GPC5: variants seen among roughly 807,000 people sequenced by gnomAD.
GPC5 encodes the protein glypican 5, also known as glypican-5.
GPC5 carries 47 observed loss-of-function variants against 53.9 expected under a neutral mutation model. The ratio of observed to expected loss-of-function variants is 0.87; its 90% CI spans 0.69 to 1.11. The LOEUF is 1.11. Among genes scored for constraint, GPC5 ranks in the 50% most tolerant of loss-of-function variants. The probability of loss-of-function intolerance (pLI) is 0.00; values close to 1 mark genes in which losing one functional copy is unlikely to be tolerated. For missense variants in GPC5, 748 were observed against 713.1 expected (o/e 1.05, Z -0.56); for synonymous variants, 286 against 263.3 (o/e 1.09, Z -0.84).
At chr13:92,558,956 C>T (rs932198185) in intron 7 of GPC5, among the ~76,000 whole-genome samples, 6 of 151,898 alleles carry the variant, frequency 4.0e-5, no homozygotes, top group African/African-American at 1.4e-4. Flanking sequence ...GTTTTTCAGG[C>T]ATGAGCAACA....
At chr13:92,025,780 A>G (rs2040796267) in intron 6 of GPC5, among the ~76,000 whole-genome samples, 1 of 152,194 alleles carries the variant, frequency 6.6e-6, no homozygotes. Context: ...ACCATAATTC[A>G]ATATGATCCT....
At chr13:92,740,081 C>T (rs1349041025) in intron 7 of GPC5, among the ~76,000 whole-genome samples, 1 of 151,926 alleles carries the variant, frequency 6.6e-6, no homozygotes, top group Non-Finnish European at 1.5e-5. Flanking sequence ...TCTTCTCCTC[C>T]AGTTGTATTG....
At chr13:92,554,499 TA>T (rs908503813) in intron 7 of GPC5, among the ~76,000 whole-genome samples, 2 of 151,154 alleles carry the variant, frequency 1.3e-5, no homozygotes, top group Non-Finnish European at 3.0e-5. Flanking sequence ...AGCTAGAGAT[TA>T]AAAAAAACAT....
intron 5 of GPC5, among the ~76,000 whole-genome samples, chr13:91,789,988 C>G (rs1048150307): frequency 5.3e-5 from 8 of 152,132 alleles, no homozygotes; most frequent in African/African-American, 9.7e-5. Context: ...CTAATCTATT[C>G]CTGCTAGAAT....
At chr13:92,201,242 T>C (rs774061999) in intron 7 of GPC5, among the ~76,000 whole-genome samples, 1 of 152,228 alleles carries the variant, frequency 6.6e-6, no homozygotes, top group Non-Finnish European at 1.5e-5. Flanking sequence ...ATGTAAACTT[T>C]ACATAAAATG....
At chr13:91,991,039 C>T (rs1420853277) in intron 6 of GPC5, among the ~76,000 whole-genome samples, 1 of 152,142 alleles carries the variant, frequency 6.6e-6, no homozygotes, top group African/African-American at 2.4e-5. Context: ...GCAAATTTCA[C>T]ACACCTAAGT....
chr13:92,703,743 G>A (rs1291046906), intron 7 of GPC5, among the ~76,000 whole-genome samples: 1 of 151,144 alleles, frequency 6.6e-6, no homozygotes, highest in Non-Finnish European at 1.5e-5. Context: ...CTGTTAATTG[G>A]GGGAAGGGTA....
intron 5 of GPC5, among the ~76,000 whole-genome samples, chr13:91,899,221 A>G (rs1229635285): frequency 6.6e-6 from 1 of 152,126 alleles, no homozygotes. Context: ...GTGTGTGTGA[A>G]CTTAGAACAC....
intron 7 of GPC5, among the ~76,000 whole-genome samples, chr13:92,615,807 C>A (rs759822245): frequency 4.4e-4 from 67 of 152,262 alleles, no homozygotes; most frequent in African/African-American, 1.4e-3. Context: ...GTAATCCCAG[C>A]ACTTTGGGAG....
chr13:91,804,701 A>C (rs1854970), intron 5 of GPC5, among the ~76,000 whole-genome samples: 49,579 of 152,138 alleles, frequency 0.33, 9,530 homozygotes, highest in East Asian at 0.64. Context: ...AGAACAGTTC[A>C]ATCATTGCAG....
chr13:92,655,623 G>C (rs1228993937), intron 7 of GPC5, among the ~76,000 whole-genome samples: 1 of 152,154 alleles, frequency 6.6e-6, no homozygotes, highest in Non-Finnish European at 1.5e-5. Context: ...TTATAGGCGT[G>C]AGCCACCGCA....
At chr13:92,622,503 C>T (rs994994232) in intron 7 of GPC5, among the ~76,000 whole-genome samples, 19 of 152,118 alleles carry the variant, frequency 1.2e-4, no homozygotes, top group Admixed American at 1.2e-3. Context: ...TGGATTAACA[C>T]GAGATGAGGC....
Position 92,077,409 on chromosome 13 carries a change from T to G in GPC5, c.1402-67421T>G, listed in dbSNP as rs747248958. On this transcript the variant is annotated intron_variant, in intron 6 of 7. Transcript: ENST00000377067. ...ACAGACTTTTTGTCAGCCTTGTACT[T>G]ACAGAGTAGATGACTCTGTGATCTG... 9.2e-5 allele frequency among the ~76,000 whole-genome samples: 14 copies of G among 152,344 alleles called. 2 individuals are homozygous for G. In the Middle Eastern group the frequency reaches 0.027, roughly 296 times the overall value.
chr13:92,838,610 A>T (rs1878309765), intron 7 of GPC5, among the ~76,000 whole-genome samples: 1 of 152,200 alleles, frequency 6.6e-6, no homozygotes, highest in Admixed American at 6.5e-5. Flanking sequence ...AGATTGGAAC[A>T]GATGACCAAA....
chr13:91,842,518 C>T (rs2038799144), intron 5 of GPC5, among the ~76,000 whole-genome samples: 1 of 149,090 alleles, frequency 6.7e-6, no homozygotes, highest in Non-Finnish European at 1.5e-5. Flanking sequence ...TTGGCTAACA[C>T]GGTGAAACCC....
chr13:92,296,820 C>T (rs561179498), intron 7 of GPC5, among the ~76,000 whole-genome samples: 13 of 152,324 alleles, frequency 8.5e-5, no homozygotes, highest in South Asian at 2.1e-4. Context: ...CCAGTGGCTG[C>T]GGAGGGTGTA....
chr13:92,020,015 T>A (rs1159945488), intron 6 of GPC5, among the ~76,000 whole-genome samples: 2 of 152,072 alleles, frequency 1.3e-5, no homozygotes, highest in Admixed American at 1.3e-4. Context: ...TTCCAGAGGC[T>A]CTAGAGAAGA....
chr13:92,316,785 G>T (rs533927287), intron 7 of GPC5, among the ~76,000 whole-genome samples: 1 of 152,054 alleles, frequency 6.6e-6, no homozygotes, highest in Non-Finnish European at 1.5e-5. Flanking sequence ...ATGAGAAAAG[G>T]GGTTCTGGGT....
In GPC5 at chr13:92,851,915, C is replaced by G. The variant is rs1206513220; in HGVS notation, c.1562-14367C>G. Among the ~76,000 whole-genome samples the G allele has an allele frequency of 3.3e-5, 5 of 150,042 alleles. No homozygotes were observed. In the South Asian group the frequency reaches 1.1e-3, roughly 32 times the overall value. On this transcript the variant is annotated intron_variant, in intron 7 of 7. Transcript: ENST00000377067. Reference sequence around the variant, plus strand: ...AAAAAAAAAAAAAAAAAAAGAATAGCCATAAGCCAAGATAGCCACTCTGTA... The same window carrying G: ...AAAAAAAAAAAAAAAAAAAGAATAGGCATAAGCCAAGATAGCCACTCTGTA...
Sources: gnomAD v4.1 joint callset for allele counts (sites outside exome capture counted in the v4.1 genomes callset) on GRCh38, gnomAD v4.1.1 for gene constraint, MANE v1.5 for transcripts, NCBI Gene and HGNC (gene_info 2026-07-23, HGNC 2026-07-21) for gene names.